The following FGF2 variants were observed in gnomAD, a reference collection of about 807,000 sequenced individuals.
FGF2 encodes the protein fibroblast growth factor 2, also known as basic fibroblast growth factor bFGF.
FGF2 carries 13 observed loss-of-function variants against 15.9 expected under a neutral mutation model. That is an observed-to-expected ratio of 0.82 (90% CI 0.53 to 1.30). The LOEUF (loss-of-function observed/expected upper bound fraction) is 1.30, where lower values mean the gene tolerates loss of function less well. FGF2 is among the 50% of genes most tolerant of loss of function. The pLI is 0.00. For synonymous variants in FGF2, 90 were observed against 78.4 expected (o/e 1.15, Z -0.78); for missense variants, 163 against 196.9 (o/e 0.83, Z 1.03).
rs555027183 is a variant in FGF2, at chr4:122,881,008, C to T, written c.282+4584C>T. ...CTTCTGTGCACCCTCAGGCTCAACACCATGTGGAAGCTGCCAAGGCTTGAT... is the reference window on the plus strand; with the variant it reads ...CTTCTGTGCACCCTCAGGCTCAACATCATGTGGAAGCTGCCAAGGCTTGAT... On this transcript the variant is annotated intron_variant, in intron 2 of 2. Coordinates refer to ENST00000644866, the MANE Select transcript of FGF2 (RefSeq NM_001361665.2). Among the ~76,000 whole-genome samples the T allele has an allele frequency of 3.9e-5, 6 of 152,106 alleles. No homozygotes were observed. In the South Asian group the frequency reaches 1.2e-3, roughly 32 times the overall value.
chr4:122,869,495 A>AT (rs1343624039), intron 1 of FGF2, among the ~76,000 whole-genome samples: 1 of 151,942 alleles, frequency 6.6e-6, no homozygotes, highest in Admixed American at 6.6e-5. Flanking sequence ...ATTTGTTTGC[A>AT]TTCTCTCTTA....
At chr4:122,872,735 A>T (rs1464835822) in intron 1 of FGF2, among the ~76,000 whole-genome samples, 2 of 152,192 alleles carry the variant, frequency 1.3e-5, no homozygotes. Context: ...ATTGTTACAG[A>T]AAAAAATTTT....
chr4:122,885,897 CTTGA>C (rs994134527), intron 2 of FGF2, among the ~76,000 whole-genome samples: 10 of 116,422 alleles, frequency 8.6e-5, no homozygotes, highest in African/African-American at 2.4e-4. Context: ...CTTCAACTTG[CTTGA>C]TTTTTTTTTT....
In FGF2 at chr4:122,851,862, A is replaced by T. The variant is rs115935156; in HGVS notation, c.179-24459A>T. ...TTTATGTCTCAGCTGTGCCTTACTA[A>T]TTCTATGCTCTTGGGTAAGTTAATT... On this transcript the variant is annotated intron_variant, in intron 1 of 2. Transcript: ENST00000644866. Among the ~76,000 whole-genome samples the T allele has an allele frequency of 7.5e-3, 1,137 of 152,178 alleles. 11 individuals carry two copies. Among genetic ancestry groups the T allele is most frequent in the African/African-American group, 0.026 (1,090 of 41,490 alleles).
At chr4:122,839,767 A>C (rs1725938963) in intron 1 of FGF2, among the ~76,000 whole-genome samples, 1 of 152,098 alleles carries the variant, frequency 6.6e-6, no homozygotes, top group Non-Finnish European at 1.5e-5. Flanking sequence ...TCTAACCCTG[A>C]CTACTGCAAC....
At chr4:122,851,104 A>T (rs995582842) in intron 1 of FGF2, among the ~76,000 whole-genome samples, 1 of 152,138 alleles carries the variant, frequency 6.6e-6, no homozygotes, top group Non-Finnish European at 1.5e-5. Context: ...CAATTTTAGT[A>T]TTATTTCAAC....
At chr4:122,879,175 C>T (rs1409108004) in intron 2 of FGF2, among the ~76,000 whole-genome samples, 1 of 152,154 alleles carries the variant, frequency 6.6e-6, no homozygotes, top group Non-Finnish European at 1.5e-5. Context: ...TTTATTCTGC[C>T]AATCTATTGT....
At chr4:122,871,781 CA>C (rs55677162) in intron 1 of FGF2, among the ~76,000 whole-genome samples, 2,905 of 94,264 alleles carry the variant, frequency 0.031, 45 homozygotes, top group South Asian at 0.11. Flanking sequence ...CATTGAAAGA[CA>C]AAAAAAAAAA....
At chr4:122,886,471 G>T (rs996608449) in intron 2 of FGF2, among the ~76,000 whole-genome samples, 1 of 152,154 alleles carries the variant, frequency 6.6e-6, no homozygotes, top group Non-Finnish European at 1.5e-5. Flanking sequence ...GGAGATGATG[G>T]TTATGCTCCA....
intron 2 of FGF2, 92 bp downstream of exon 2, chr4:122,876,516 T>C: frequency 2.4e-6 from 2 of 825,132 alleles, no homozygotes; most frequent in East Asian, 2.5e-5. Context: ...TTATAAAGGA[T>C]TTTACGTGTA....
chr4:122,869,853 G>A (rs1578471365), intron 1 of FGF2, among the ~76,000 whole-genome samples: 1 of 152,080 alleles, frequency 6.6e-6, no homozygotes, highest in East Asian at 1.9e-4. Context: ...GATTTCCCTG[G>A]CCAGAATTTC....
At chr4:122,843,386 G>T (rs979836719) in intron 1 of FGF2, among the ~76,000 whole-genome samples, 1 of 152,220 alleles carries the variant, frequency 6.6e-6, no homozygotes, top group Admixed American at 6.5e-5. Context: ...GATTATGATG[G>T]GCCTTGCAAG....
In FGF2 at chr4:122,827,454, C is replaced by T; in HGVS notation, c.178+102C>T. On this transcript the variant is annotated intron_variant, in intron 1 of 2. Coordinates refer to ENST00000644866, the MANE Select transcript of FGF2 (RefSeq NM_001361665.2). The surrounding 1 kb of genome is among the most constrained non-coding windows in gnomAD (Gnocchi z 4.2). Reference sequence around the variant, plus strand: ...CCTCCTCCCGGATCTTCACTGCGACCCTAGCGCTCCGTGTGGTTTCTGGCC... The same window carrying T: ...CCTCCTCCCGGATCTTCACTGCGACTCTAGCGCTCCGTGTGGTTTCTGGCC... 7.4e-7 allele frequency: 1 copy of T among 1,355,678 alleles called. No individual in the cohort carries two copies. Among genetic ancestry groups the T allele is most frequent in the Non-Finnish European group, 1.0e-6 (1 of 963,946 alleles). 84.0% of individuals were successfully genotyped at this position (1,355,678 alleles called of 1,614,324 possible). A position where few individuals can be genotyped will look rare whatever the true frequency, so the allele number is the denominator to read the frequency against.
In FGF2 at chr4:122,893,070, T is replaced by C. The variant is rs755045449; in HGVS notation, c.*674T>C. 6.2e-7 allele frequency: 1 copy of C among 1,614,100 alleles called. No homozygotes were observed. Among genetic ancestry groups the C allele is most frequent in the Non-Finnish European group, 8.5e-7 (1 of 1,180,036 alleles). Reference sequence around the variant, plus strand: ...CTTAAGCATTCTTCCTGGCAAAAATTTATGGTGAATGAATATGGCTTTAGG... The same window carrying C: ...CTTAAGCATTCTTCCTGGCAAAAATCTATGGTGAATGAATATGGCTTTAGG... On this transcript the variant is annotated 3_prime_UTR_variant, in exon 3 of 3. Coordinates refer to ENST00000644866, the MANE Select transcript of FGF2 (RefSeq NM_001361665.2).
rs535624103 is a variant in FGF2 at position 122,884,730 on chromosome 4, A to T, written c.283-7481A>T. ...CAACCCAGTAAACAGAGCATGGGGA[A>T]ATGGTCATAAGGTTCAAATCTAAAA... On this transcript the variant is annotated intron_variant, in intron 2 of 2. Transcript: ENST00000644866. 7 of 152,326 alleles carry T rather than the reference A, an allele frequency of 4.6e-5. No homozygotes were observed. The South Asian group carries it at 1.4e-3, about 32-fold the overall frequency. The allele number at this position is 152,326 out of a possible 1,614,324, so 9.4% of individuals were successfully genotyped here.
chr4:122,827,174 C>G lies in FGF2; in HGVS notation c.-1C>G. 6.4e-7 allele frequency: 1 copy of G among 1,567,726 alleles called. No individual in the cohort carries two copies. Among genetic ancestry groups the G allele is most frequent in the African/African-American group, 1.4e-5 (1 of 73,586 alleles). ...GATCCCGGCCGGGCCCCGCAGGGAC[C>G]ATGGCAGCCGGGAGCATCACCACGC... On this transcript the variant is annotated 5_prime_UTR_variant, in exon 1 of 3. Transcript: ENST00000644866. This position sits in a 1 kb window ranked among gnomAD's most constrained non-coding sequence, Gnocchi z 4.2.
At position 122,869,349 on chromosome 4, in the gene FGF2, A is replaced by C. The variant is rs1432815914; in HGVS notation, c.179-6972A>C. 2.0e-5 allele frequency among the ~76,000 whole-genome samples: 3 copies of C among 152,286 alleles called. No individual in the cohort carries two copies. The East Asian group carries it at 5.8e-4, about 29-fold the overall frequency. ...TCTTTCATTCCATATGAAATTTAAAATAGTTTTTTCTAATTCTGTAAAGAA... is the reference window on the plus strand; with the variant it reads ...TCTTTCATTCCATATGAAATTTAAACTAGTTTTTTCTAATTCTGTAAAGAA... On this transcript the variant is annotated intron_variant, in intron 1 of 2. Coordinates refer to ENST00000644866, the MANE Select transcript of FGF2 (RefSeq NM_001361665.2).
At chr4:122,844,145 A>G (rs1342940422) in intron 1 of FGF2, among the ~76,000 whole-genome samples, 1 of 152,206 alleles carries the variant, frequency 6.6e-6, no homozygotes. Flanking sequence ...AACTAAGTTT[A>G]TGTAATATTC....
intron 1 of FGF2, among the ~76,000 whole-genome samples, chr4:122,866,429 T>C (rs1432819344): frequency 6.6e-6 from 1 of 151,796 alleles, no homozygotes; most frequent in Non-Finnish European, 1.5e-5. Flanking sequence ...GAGAAAATAT[T>C]CTCACATCAT....
Sources: allele counts gnomAD v4.1 joint callset (sites outside exome capture counted in the v4.1 genomes callset), GRCh38; gene constraint gnomAD v4.1.1; non-coding constraint Gnocchi (gnomAD v3.1); transcripts MANE v1.5; gene names NCBI Gene and HGNC (gene_info 2026-07-23, HGNC 2026-07-21).